The following ASIC2 variants were observed in gnomAD, a reference collection of about 807,000 sequenced individuals.
ASIC2 encodes acid-sensing ion channel 2.
A neutral mutation model predicts 57.3 loss-of-function variants in ASIC2; 25 were observed. The ratio of observed to expected loss-of-function variants is 0.44; its 90% CI spans 0.32 to 0.61. ASIC2 has a LOEUF of 0.61. Among genes scored for constraint, ASIC2 ranks in the 20% least tolerant of loss-of-function variants. The pLI is 0.06. For synonymous variants in ASIC2, 319 were observed against 307.5 expected, an observed-to-expected ratio of 1.04 and a Z score of -0.39; for missense variants, 641 against 738.1, an observed-to-expected ratio of 0.87 and a Z score of 1.52.
chr17:34,009,995 C>A (rs757828971), intron 1 of ASIC2, among the ~76,000 whole-genome samples: 1 of 152,142 alleles, frequency 6.6e-6, no homozygotes, highest in Non-Finnish European at 1.5e-5. Context: ...GACATCCAGG[C>A]GGAAATGAAA....
intron 1 of ASIC2, among the ~76,000 whole-genome samples, chr17:33,914,831 G>A (rs943748364): frequency 5.9e-5 from 9 of 152,238 alleles, no homozygotes; most frequent in Admixed American, 3.3e-4. Flanking sequence ...CTGGCTCAGG[G>A]CCATGAGTAG....
At chr17:33,501,022 A>C (rs1319026975) in intron 1 of ASIC2, among the ~76,000 whole-genome samples, 1 of 152,208 alleles carries the variant, frequency 6.6e-6, no homozygotes, top group East Asian at 1.9e-4. Context: ...TGAGAACGGG[A>C]TCCCTGATGC....
intron 1 of ASIC2, among the ~76,000 whole-genome samples, chr17:33,286,914 T>C (rs1241362582): frequency 6.6e-6 from 1 of 152,182 alleles, no homozygotes; most frequent in Admixed American, 6.5e-5. Flanking sequence ...CATTGGTCGA[T>C]TGAATGAATG....
At chr17:33,574,759 C>T (rs1252120959) in intron 1 of ASIC2, among the ~76,000 whole-genome samples, 1 of 152,078 alleles carries the variant, frequency 6.6e-6, no homozygotes, top group African/African-American at 2.4e-5. Context: ...GATGTGGTTC[C>T]TCTCTGTCTC....
chr17:33,563,338 G>C (rs1916134480), intron 1 of ASIC2, among the ~76,000 whole-genome samples: 1 of 152,146 alleles, frequency 6.6e-6, no homozygotes, highest in African/African-American at 2.4e-5. Context: ...CTGTGTTATG[G>C]TGGATGAAAC....
At chr17:33,094,838 C>T (rs753902306) in intron 2 of ASIC2, among the ~76,000 whole-genome samples, 6 of 152,180 alleles carry the variant, frequency 3.9e-5, no homozygotes, top group African/African-American at 9.7e-5. Flanking sequence ...ACAAGTGAGT[C>T]GGACTTTCTG....
chr17:33,019,522 G>A (rs1308541725), intron 7 of ASIC2, among the ~76,000 whole-genome samples: 2 of 151,990 alleles, frequency 1.3e-5, no homozygotes, highest in Non-Finnish European at 2.9e-5. Flanking sequence ...GCAGACTGGG[G>A]TGGGGTATGC....
intron 1 of ASIC2, among the ~76,000 whole-genome samples, chr17:34,085,330 T>C (rs1347821079): frequency 6.6e-6 from 1 of 152,238 alleles, no homozygotes; most frequent in Non-Finnish European, 1.5e-5. Flanking sequence ...GTTTATATGC[T>C]GGATTACATT....
At chr17:33,223,128 A>G (rs1235228419) in intron 1 of ASIC2, among the ~76,000 whole-genome samples, 4 of 152,168 alleles carry the variant, frequency 2.6e-5, no homozygotes, top group Non-Finnish European at 4.4e-5. Context: ...GAACTGAACC[A>G]AAACACAGAC....
chr17:33,880,604 G>A (rs987562625), intron 1 of ASIC2, among the ~76,000 whole-genome samples: 1 of 152,110 alleles, frequency 6.6e-6, no homozygotes, highest in Non-Finnish European at 1.5e-5. Context: ...CTGAAATTGA[G>A]GGAATAATTA....
At chr17:33,194,101 A>G (rs866220364) in intron 1 of ASIC2, among the ~76,000 whole-genome samples, 7 of 152,340 alleles carry the variant, frequency 4.6e-5, no homozygotes, top group South Asian at 2.1e-4. Flanking sequence ...CTCATCTGCC[A>G]CTGCCTTCTC....
intron 1 of ASIC2, among the ~76,000 whole-genome samples, chr17:33,258,168 G>T (rs1158823008): frequency 8.5e-5 from 13 of 152,186 alleles, no homozygotes; most frequent in Admixed American, 8.5e-4. Context: ...TTCATTACGT[G>T]AATTCATTAA....
chr17:33,205,859 G>A (rs1907041788), intron 1 of ASIC2, among the ~76,000 whole-genome samples: 1 of 152,180 alleles, frequency 6.6e-6, no homozygotes, highest in Admixed American at 6.5e-5. Flanking sequence ...ATTTGATTGG[G>A]CTGACAACAT....
At chr17:33,868,316 G>A (rs1038792) in intron 1 of ASIC2, among the ~76,000 whole-genome samples, 18,237 of 152,014 alleles carry the variant, frequency 0.12, 1,296 homozygotes, top group Admixed American at 0.17. Flanking sequence ...GCTATAGATA[G>A]TATGTAAAAC....
intron 1 of ASIC2, among the ~76,000 whole-genome samples, chr17:33,645,358 C>G (rs1192104963): frequency 2.0e-5 from 3 of 152,144 alleles, no homozygotes; most frequent in African/African-American, 4.8e-5. Context: ...GCTTTGGTTT[C>G]ATTTAAAAAG....
intron 1 of ASIC2, among the ~76,000 whole-genome samples, chr17:34,022,629 GAA>G (rs796222459): frequency 1.1e-5 from 1 of 90,248 alleles, no homozygotes; most frequent in Admixed American, 1.2e-4. Context: ...AATTTCCCAT[GAA>G]AAAAAAAAAC....
chr17:33,792,536 G>A (rs971808022), intron 1 of ASIC2: 1 of 152,120 alleles, frequency 6.6e-6, no homozygotes, highest in African/African-American at 2.4e-5. Context: ...CAAGAAGTGG[G>A]TATTTATGGG....
intron 1 of ASIC2, among the ~76,000 whole-genome samples, chr17:33,809,580 C>A (rs896832892): frequency 9.2e-5 from 14 of 152,204 alleles, no homozygotes; most frequent in Non-Finnish European, 1.9e-4. Flanking sequence ...AACTGATACA[C>A]GTATCCTTAG....
intron 1 of ASIC2, among the ~76,000 whole-genome samples, chr17:33,258,638 G>A (rs939952243): frequency 6.6e-6 from 1 of 152,192 alleles, no homozygotes; most frequent in Non-Finnish European, 1.5e-5. Flanking sequence ...ACACAGAGGA[G>A]GTCTTAGTGG....
Sources: allele counts gnomAD v4.1 joint callset (sites outside exome capture counted in the v4.1 genomes callset), GRCh38; gene constraint gnomAD v4.1.1; transcripts MANE v1.5; gene names NCBI Gene and HGNC (gene_info 2026-07-23, HGNC 2026-07-21).